The following PARD3B variants were observed in gnomAD, a reference collection of about 807,000 sequenced individuals.
PARD3B encodes the protein par-3 family cell polarity regulator beta, also known as partitioning defective 3 homolog B.
Under a neutral mutation model 130.2 loss-of-function variants are expected in PARD3B, and 103 were observed. The ratio of observed to expected loss-of-function variants is 0.79; its 90% CI spans 0.67 to 0.93. The LOEUF (loss-of-function observed/expected upper bound fraction) is 0.93, where lower values mean the gene tolerates loss of function less well. Ranked by LOEUF, PARD3B falls within the 40% of genes least tolerant of loss-of-function variation. The pLI is 0.00. For missense variants in PARD3B, 1,609 were observed against 1,499.2 expected, an observed-to-expected ratio of 1.07 and a Z score of -1.21; for synonymous variants, 583 against 553.2, an observed-to-expected ratio of 1.05 and a Z score of -0.76.
rs183026092 is a variant in PARD3B, at chr2:205,015,442, G to A, written c.395-32139G>A. Among the ~76,000 whole-genome samples the A allele has an allele frequency of 6.6e-6, 1 of 152,162 alleles. No individual in the cohort carries two copies. The highest frequency in any genetic ancestry group is 1.5e-5 in the Non-Finnish European group (1 of 68,036). ...GTTCAAGGGTCAACCATACTGACAT[G>A]TTTACATGTATTTCTCCTTGGCAAG... On this transcript the variant is annotated intron_variant, in intron 3 of 22. Transcript: ENST00000406610. The surrounding 1 kb of genome is among the most constrained non-coding windows in gnomAD (Gnocchi z 4.5).
intron 21 of PARD3B, among the ~76,000 whole-genome samples, chr2:205,508,449 G>T (rs543478507): frequency 1.3e-5 from 2 of 151,972 alleles, no homozygotes; most frequent in South Asian, 4.2e-4. Flanking sequence ...GCATGCATCT[G>T]TGGTCCCAGC....
At chr2:205,222,863 G>A (rs1201879765) in intron 15 of PARD3B, among the ~76,000 whole-genome samples, 3 of 149,748 alleles carry the variant, frequency 2.0e-5, no homozygotes, top group African/African-American at 2.5e-5. Context: ...TGTCAGGTGG[G>A]AAAAAAAAAA....
At chr2:204,997,756 A>G (rs1694351835) in intron 3 of PARD3B, among the ~76,000 whole-genome samples, 1 of 151,744 alleles carries the variant, frequency 6.6e-6, no homozygotes, top group Non-Finnish European at 1.5e-5. Context: ...GTTGGATAGA[A>G]TGAGTGATAG....
intron 2 of PARD3B, among the ~76,000 whole-genome samples, chr2:204,717,849 A>C (rs918870594): frequency 6.6e-6 from 1 of 152,186 alleles, no homozygotes; most frequent in Non-Finnish European, 1.5e-5. Context: ...AGTCACTGAC[A>C]ACCAGGGAAG....
chr2:205,133,583 A>G (rs999225911), intron 10 of PARD3B, among the ~76,000 whole-genome samples: 3 of 152,202 alleles, frequency 2.0e-5, no homozygotes, highest in Non-Finnish European at 4.4e-5. Context: ...CTTAGTGGCT[A>G]TTGCTGACTA....
chr2:205,571,334 C>G (rs913204533), intron 22 of PARD3B, among the ~76,000 whole-genome samples: 1 of 152,206 alleles, frequency 6.6e-6, no homozygotes, highest in African/African-American at 2.4e-5. Context: ...TGAGTAACTT[C>G]AGGTGGCTGA....
At chr2:205,583,133 T>C (rs981661113) in intron 22 of PARD3B, among the ~76,000 whole-genome samples, 7 of 152,252 alleles carry the variant, frequency 4.6e-5, no homozygotes, top group African/African-American at 1.7e-4. Flanking sequence ...CTCCGTGGAT[T>C]CTTTTGTGAA....
chr2:204,697,906 G>C (rs1464683899), intron 2 of PARD3B, among the ~76,000 whole-genome samples: 1 of 152,116 alleles, frequency 6.6e-6, no homozygotes, highest in Admixed American at 6.6e-5. Context: ...TGTTCAAAGA[G>C]AGATTTGCTG....
Position 205,417,662 on chromosome 2 carries a change from T to C in PARD3B, c.2741+16539T>C, listed in dbSNP as rs578154748. On this transcript the variant is annotated intron_variant, in intron 19 of 22. Coordinates refer to ENST00000406610, the MANE Select transcript of PARD3B (RefSeq NM_001302769.2). ...TTGCATAGTCTCTCCCATAGTTTAT[T>C]GGATGCCTCTCTTTGCATCTCATCC... 3.0e-4 allele frequency among the ~76,000 whole-genome samples: 45 copies of C among 152,356 alleles called. No individual in the cohort carries two copies. In the South Asian group the frequency reaches 9.3e-3, roughly 32 times the overall value.
Position 205,067,095 on chromosome 2 carries a change from C to CTTTTTTTTTT in PARD3B, c.504+19425_504+19434dup, listed in dbSNP as rs10672449. 6.1e-3 allele frequency among the ~76,000 whole-genome samples: 365 copies of CTTTTTTTTTT among 59,680 alleles called. 61 individuals carry two copies. The highest frequency in any genetic ancestry group is 7.1e-3 in the Non-Finnish European group (228 of 32,116). 39.2% of individuals were successfully genotyped at this position (59,680 alleles called of 152,430 possible). A position where few individuals can be genotyped will look rare whatever the true frequency, so the allele number is the denominator to read the frequency against. ...GCATCTTGCATCCACTTTTACTAGG[C>CTTTTTTTTTT]TTTTTTTTTTTTTTTTTTTTTTTTT... On this transcript the variant is annotated intron_variant, in intron 4 of 22. Coordinates refer to ENST00000406610, the MANE Select transcript of PARD3B (RefSeq NM_001302769.2).
At chr2:205,378,982 A>G (rs1335154949) in intron 18 of PARD3B, among the ~76,000 whole-genome samples, 1 of 151,516 alleles carries the variant, frequency 6.6e-6, no homozygotes, top group Non-Finnish European at 1.5e-5. Context: ...GGCTACTTCT[A>G]AAGCAGCTGC....
chr2:205,206,497 G>A (rs896511696), intron 15 of PARD3B, among the ~76,000 whole-genome samples: 28 of 151,046 alleles, frequency 1.9e-4, no homozygotes, highest in East Asian at 7.8e-4. Flanking sequence ...ATAGTTTACC[G>A]AGAATGATGA....
chr2:204,951,395 T>G (rs1012743761), intron 2 of PARD3B, among the ~76,000 whole-genome samples: 2 of 152,158 alleles, frequency 1.3e-5, no homozygotes, highest in Non-Finnish European at 2.9e-5. Context: ...TCCCTTCAAC[T>G]GAACAGTACC....
intron 21 of PARD3B, among the ~76,000 whole-genome samples, chr2:205,549,251 A>G (rs983984142): frequency 1.3e-5 from 2 of 152,180 alleles, no homozygotes; most frequent in Admixed American, 1.3e-4. Flanking sequence ...GAAACTAAAC[A>G]TAGTCTCACC....
rs995225594 is a variant in PARD3B, at chr2:205,078,912, C to G, written c.505-25514C>G. On this transcript the variant is annotated intron_variant, in intron 4 of 22. Transcript: ENST00000406610. The surrounding 1 kb of genome is among the most constrained non-coding windows in gnomAD (Gnocchi z 4.0). The stretch of plus-strand genomic sequence containing the variant: ...ATGGCAGATCTCCCAGCTTCCAGCT[C>G]GCATCAATGGCCAGCCACGTAAGTG... Among the ~76,000 whole-genome samples the G allele has an allele frequency of 1.3e-5, 2 of 152,194 alleles. No homozygotes were observed.
chr2:205,427,221 A>G (rs907925660), intron 19 of PARD3B, among the ~76,000 whole-genome samples: 3 of 152,232 alleles, frequency 2.0e-5, no homozygotes, highest in Non-Finnish European at 4.4e-5. Context: ...AGAAAAAAGT[A>G]TATGTGTGTT....
intron 3 of PARD3B, among the ~76,000 whole-genome samples, chr2:205,008,023 T>C (rs758347462): frequency 5.3e-5 from 8 of 152,218 alleles, no homozygotes; most frequent in Non-Finnish European, 7.3e-5. Flanking sequence ...GTATAGCACT[T>C]TATTTTTTTT....
chr2:204,892,560 G>A (rs1575230599), intron 2 of PARD3B, among the ~76,000 whole-genome samples: 1 of 152,164 alleles, frequency 6.6e-6, no homozygotes, highest in East Asian at 1.9e-4. Flanking sequence ...TGAAAACTAA[G>A]AAAAGTGAAA....
intron 15 of PARD3B, among the ~76,000 whole-genome samples, chr2:205,193,914 T>A (rs915075209): frequency 6.6e-6 from 1 of 152,118 alleles, no homozygotes; most frequent in African/African-American, 2.4e-5. Context: ...CTGAACAACC[T>A]CACTGAGGTT....
Sources: allele counts gnomAD v4.1 joint callset (sites outside exome capture counted in the v4.1 genomes callset), GRCh38; gene constraint gnomAD v4.1.1; non-coding constraint Gnocchi (gnomAD v3.1); transcripts MANE v1.5; gene names NCBI Gene and HGNC (gene_info 2026-07-23, HGNC 2026-07-21).